Variants in UAP1 observed in about 807,000 individuals in gnomAD.
UAP1 encodes UDP-N-acetylhexosamine pyrophosphorylase.
Under a neutral mutation model 58.5 loss-of-function variants are expected in UAP1, and 25 were observed. The observed-to-expected ratio is 0.43, with a 90% CI of 0.31 to 0.60. The LOEUF is 0.60. Among genes scored for constraint, UAP1 ranks in the 20% least tolerant of loss-of-function variants. UAP1 has a pLI of 0.11. For missense variants in UAP1, 575 were observed against 630.0 expected (o/e 0.91, Z 0.93); for synonymous variants, 208 against 213.0 (o/e 0.98, Z 0.21).
intron 2 of UAP1, among the ~76,000 whole-genome samples, chr1:162,575,065 T>TTTTA (rs954572997): frequency 8.6e-4 from 131 of 152,210 alleles, no homozygotes; most frequent in African/African-American, 2.9e-3. Context: ...TAAAAAGGCA[T>TTTTA]TTTATTTATT....
At chr1:162,570,771 C>T (rs952131821) in intron 2 of UAP1, among the ~76,000 whole-genome samples, 1 of 152,164 alleles carries the variant, frequency 6.6e-6, no homozygotes, top group Admixed American at 6.5e-5. Context: ...TCTTGGATAG[C>T]TTTCCTTTAT....
At chr1:162,594,208 T>C (rs1655489768) in intron 9 of UAP1, among the ~76,000 whole-genome samples, 1 of 152,208 alleles carries the variant, frequency 6.6e-6, no homozygotes, top group Admixed American at 6.5e-5. Context: ...TGAGCTTGTT[T>C]TCCTGCACCT....
chr1:162,592,850 C>G, intron 9 of UAP1, 68 bp downstream of exon 9: 2 of 1,387,256 alleles, frequency 1.4e-6, no homozygotes, highest in South Asian at 2.5e-5. Context: ...TAACTGGCAT[C>G]GTAGTTTAGT....
intron 3 of UAP1, among the ~76,000 whole-genome samples, chr1:162,578,180 C>G (rs905077112): frequency 3.3e-5 from 5 of 152,100 alleles, no homozygotes; most frequent in African/African-American, 1.2e-4. Flanking sequence ...TGAGGTCCCC[C>G]AAGTCCCTAT....
At chr1:162,601,197 ATG>A (rs1557985008), downstream of UAP1, among the ~76,000 whole-genome samples, 1 of 152,220 alleles carries the variant, frequency 6.6e-6, no homozygotes, top group Non-Finnish European at 1.5e-5. Flanking sequence ...ATTGGGTAAA[ATG>A]TTTATGAAAA....
chr1:162,577,230 G>C (rs1031754041), intron 3 of UAP1, among the ~76,000 whole-genome samples: 1 of 151,832 alleles, frequency 6.6e-6, no homozygotes, highest in Non-Finnish European at 1.5e-5. Context: ...AAAGTACTCA[G>C]TGAGCTCTCT....
intron 9 of UAP1, chr1:162,593,543 G>A (rs12047254): frequency 0.078 from 11,896 of 152,218 alleles, 684 homozygotes; most frequent in East Asian, 0.21. Flanking sequence ...GAGGTCAGGA[G>A]TTCGAGACTA....
Position 162,581,173 on chromosome 1 carries a change from C to G in UAP1, c.662-114C>G, listed in dbSNP as rs774093307. On this transcript the variant is annotated intron_variant, in intron 4 of 10. Transcript: ENST00000271469. ...CCTTATGGATATTCAGTTTTCTTGC[C>G]TTTGTAAAGCGAATTTTGTTTTTTA... The G allele has an allele frequency of 2.5e-6, 3 of 1,218,030 alleles. No homozygotes were observed. In the South Asian group the frequency reaches 5.1e-5, roughly 21 times the overall value. The allele number at this position is 1,218,030 out of a possible 1,614,324, so 75.5% of individuals were successfully genotyped here.
At chr1:162,599,308 C>T (rs751069256) in exon 11 of UAP1, 1 of 1,612,370 alleles carries the variant, frequency 6.2e-7, no homozygotes, top group Non-Finnish European at 8.5e-7. Flanking sequence ...GAATTCCATG[C>T]ACCTCTAATC....
At chr1:162,600,898 C>A (rs1023910541), downstream of UAP1, among the ~76,000 whole-genome samples, 4 of 152,152 alleles carry the variant, frequency 2.6e-5, no homozygotes, top group Non-Finnish European at 5.9e-5. Context: ...AAAACTGATA[C>A]TAATGGTATG....
intron 5 of UAP1, among the ~76,000 whole-genome samples, chr1:162,585,219 T>C (rs574440964): frequency 2.0e-5 from 3 of 152,128 alleles, no homozygotes; most frequent in African/African-American, 4.8e-5. Flanking sequence ...ATTAAACTTA[T>C]GAAATATTGA....
exon 1 of UAP1, chr1:162,561,596 C>T (rs1051941537): frequency 6.6e-6 from 1 of 152,100 alleles, no homozygotes; most frequent in South Asian, 2.1e-4. Flanking sequence ...TCGGCAGCCA[C>T]TAGTCGTGGC....
intron 2 of UAP1, among the ~76,000 whole-genome samples, chr1:162,569,089 A>G (rs114029336): frequency 2.6e-5 from 4 of 152,348 alleles, no homozygotes; most frequent in African/African-American, 9.6e-5. Flanking sequence ...TGTTGACATT[A>G]TATCCTTTTC....
At chr1:162,583,174 A>T (rs1654702165) in intron 5 of UAP1, among the ~76,000 whole-genome samples, 2 of 80,610 alleles carry the variant, frequency 2.5e-5, no homozygotes, top group African/African-American at 4.9e-5. Flanking sequence ...TTTTTTTGAG[A>T]CGCAGTCTTG....
exon 3 of UAP1, chr1:162,576,840 G>C: frequency 6.2e-7 from 1 of 1,614,154 alleles, no homozygotes; most frequent in Non-Finnish European, 8.5e-7. Flanking sequence ...CAGGGGACAA[G>C]ACTCGGCGTT....
At chr1:162,597,693 A>G in intron 9 of UAP1, 99 bp from the exon 10 acceptor site, 2 of 902,016 alleles carry the variant, frequency 2.2e-6, no homozygotes, top group Non-Finnish European at 3.5e-6. Context: ...TGGAAGAATT[A>G]TCTGCAAGCT....
chr1:162,563,777 G>A (rs1222109135), intron 1 of UAP1, among the ~76,000 whole-genome samples: 2 of 152,210 alleles, frequency 1.3e-5, no homozygotes, highest in Non-Finnish European at 2.9e-5. Context: ...ATAGTAATAT[G>A]TTTGTGTATG....
chr1:162,578,140 A>T (rs557652412), intron 3 of UAP1, among the ~76,000 whole-genome samples: 1 of 152,148 alleles, frequency 6.6e-6, no homozygotes, highest in East Asian at 1.9e-4. Flanking sequence ...GGAAGTTAGC[A>T]TGTTTTGAGG....
At chr1:162,596,462 A>G (rs893996351) in intron 9 of UAP1, among the ~76,000 whole-genome samples, 1 of 152,230 alleles carries the variant, frequency 6.6e-6, no homozygotes, top group African/African-American at 2.4e-5. Flanking sequence ...GGTGTGAGCC[A>G]CTGCACCCAG....
Sources: allele counts gnomAD v4.1 joint callset (sites outside exome capture counted in the v4.1 genomes callset), GRCh38; gene constraint gnomAD v4.1.1; transcripts MANE v1.5; gene names NCBI Gene and HGNC (gene_info 2026-07-23, HGNC 2026-07-21).